HTT: variants seen among roughly 807,000 people sequenced by gnomAD.
The protein encoded by HTT is huntington disease protein.
In HTT, 104 loss-of-function variants were observed where a neutral mutation model predicts 362.3. That is an observed-to-expected ratio of 0.29 (90% CI 0.24 to 0.34). The LOEUF is 0.34. Ranked by LOEUF, HTT falls within the 10% of genes least tolerant of loss-of-function variation. The pLI is 1.00. For missense variants in HTT, 3,301 were observed against 3,928.6 expected (o/e 0.84, Z 4.27); for synonymous variants, 1,577 against 1,548.7 (o/e 1.02, Z -0.43).
At chr4:3,088,818 C>T (rs1044558164) in intron 2 of HTT, among the ~76,000 whole-genome samples, 5 of 152,026 alleles carry the variant, frequency 3.3e-5, no homozygotes, top group African/African-American at 7.3e-5. Context: ...TTCACAAAAC[C>T]GTTTCATTTT....
rs1295077532 is a variant in HTT, at chr4:3,230,013, A to T, written c.8236A>T (p.Thr2746Ser). 5 of 1,613,864 alleles carry T rather than the reference A, an allele frequency of 3.1e-6. No homozygotes were observed. The Admixed American group carries it at 8.3e-5, about 27-fold the overall frequency. Residue 2746 changes from threonine (T) to serine (S), a missense_variant, in exon 60 of 67, where the codon ACC becomes TCC. Thr to Ser is a moderately conservative substitution (Grantham distance 58). Around this residue, in one of 4 missense-constraint regions of HTT, gnomAD observed 753 missense variants for 1,021.3 expected, o/e 0.74. Transcript: ENST00000355072. Reference protein sequence around the residue: ...EILAQYLVPATCKAAAVLGMD... With the variant: ...EILAQYLVPASCKAAAVLGMD... The stretch of plus-strand genomic sequence containing the variant: ...CCTCGCTCAGTACCTGGTGCCTGCC[A>T]CCTGCAAGGCAGCTGCCGTCCTTGG...
intron 29 of HTT, among the ~76,000 whole-genome samples, chr4:3,171,201 T>C (rs781146300): frequency 2.6e-5 from 4 of 152,220 alleles, no homozygotes; most frequent in Non-Finnish European, 5.9e-5. Context: ...ACTTAGAATA[T>C]ACTTTGAGCA....
chr4:3,151,896 C>T (rs1469593324), intron 26 of HTT, among the ~76,000 whole-genome samples: 3 of 152,020 alleles, frequency 2.0e-5, no homozygotes, highest in Admixed American at 6.6e-5. Flanking sequence ...ACTGCACTAG[C>T]CTTTTGTTTT....
chr4:3,146,682 G>A, intron 24 of HTT, 115 bp from the exon 25 acceptor site: 9 of 839,154 alleles, frequency 1.1e-5, no homozygotes, highest in Non-Finnish European at 1.5e-5. Flanking sequence ...AACAATTTCT[G>A]AGCTGGTATA....
At chr4:3,191,010 G>A (rs1487092447) in intron 40 of HTT, among the ~76,000 whole-genome samples, 2 of 152,110 alleles carry the variant, frequency 1.3e-5, no homozygotes, top group African/African-American at 4.8e-5. Context: ...TTGATCTGTT[G>A]GAAGCCCTTG....
intron 1 of HTT, among the ~76,000 whole-genome samples, chr4:3,078,738 T>TA (rs1382822606): frequency 6.6e-6 from 1 of 151,632 alleles, no homozygotes; most frequent in Non-Finnish European, 1.5e-5. Context: ...CTGGGTAATT[T>TA]TTTTTTTTTC....
chr4:3,120,286 G>C (rs1035318563), intron 8 of HTT, among the ~76,000 whole-genome samples: 1 of 152,128 alleles, frequency 6.6e-6, no homozygotes, highest in Admixed American at 6.5e-5. Context: ...AAATCATGTG[G>C]GACATACTTA....
At chr4:3,231,649 T>C (rs1179425907) in intron 60 of HTT, among the ~76,000 whole-genome samples, 1 of 127,580 alleles carries the variant, frequency 7.8e-6, no homozygotes, top group Non-Finnish European at 1.7e-5. Context: ...TCAGCAGCCG[T>C]CCAGGGAGTG....
intron 3 of HTT, among the ~76,000 whole-genome samples, chr4:3,100,946 C>T (rs1714122964): frequency 6.6e-6 from 1 of 152,232 alleles, no homozygotes; most frequent in Non-Finnish European, 1.5e-5. Flanking sequence ...CCAGGCTGGT[C>T]TTGAACGCCT....
chr4:3,116,350 C>A, intron 8 of HTT, 87 bp downstream of exon 8: 1 of 1,201,274 alleles, frequency 8.3e-7, no homozygotes, highest in Non-Finnish European at 1.2e-6. Flanking sequence ...GCGGCAGAAC[C>A]GAGAGTTAGA....
Position 3,091,561 on chromosome 4 carries a change from G to A in HTT, c.347+4539G>A, listed in dbSNP as rs566135578. Among the ~76,000 whole-genome samples, 10 of 152,270 alleles carry A rather than the reference G, an allele frequency of 6.6e-5. No homozygotes were observed. The South Asian group carries it at 2.1e-3, about 32-fold the overall frequency. On this transcript the variant is annotated intron_variant, in intron 2 of 66. Transcript: ENST00000355072. Reference sequence around the variant, plus strand: ...CATATAGATCAAAGGTTACTAGCCTGTGTAAAGAGCAGTTATAAATATCGT... The same window carrying A: ...CATATAGATCAAAGGTTACTAGCCTATGTAAAGAGCAGTTATAAATATCGT...
chr4:3,074,724 T>C lies in HTT; in HGVS notation c.-102T>C. On this transcript the variant is annotated 5_prime_UTR_variant, in exon 1 of 67. Coordinates refer to ENST00000355072, the MANE Select transcript of HTT (RefSeq NM_001388492.1). ...AGATGGACGGCCGCTCAGGTTCTGCTTTTACCTGCGGCCCAGAGCCCCATT... is the reference window on the plus strand; with the variant it reads ...AGATGGACGGCCGCTCAGGTTCTGCCTTTACCTGCGGCCCAGAGCCCCATT... The C allele has an allele frequency of 3.1e-6, 4 of 1,296,110 alleles. No homozygotes were observed. Among genetic ancestry groups the C allele is most frequent in the East Asian group, 3.2e-5 (1 of 31,646 alleles). 80.3% of individuals were successfully genotyped at this position (1,296,110 alleles called of 1,614,324 possible).
chr4:3,209,698 T>TGCCG, intron 46 of HTT, 129 bp from the exon 47 acceptor site: 2 of 1,129,198 alleles, frequency 1.8e-6, no homozygotes, highest in South Asian at 2.9e-5. Context: ...AGCCACAGCC[T>TGCCG]GCCGGCCGGC....
Position 3,206,527 on chromosome 4 carries a change from C to T in HTT, c.5750C>T (p.Thr1917Met), listed in dbSNP as rs753549693. The T allele has an allele frequency of 3.7e-6, 6 of 1,614,040 alleles. No homozygotes were observed. The highest frequency in any genetic ancestry group is 1.1e-5 in the South Asian group (1 of 91,072). Residue 1917 changes from threonine (T) to methionine (M), a missense_variant, in exon 43 of 67, where the codon ACG becomes ATG. This residue lies in a region of HTT where 2,316 missense variants were observed against 2,658.5 expected (regional missense o/e 0.87). Transcript: ENST00000355072. The surrounding 1 kb of genome is among the most constrained non-coding windows in gnomAD (Gnocchi z 4.6). ...CQNLHDSEHLTWLIVNHIQDL... is the reference protein window; with the variant it reads ...CQNLHDSEHLMWLIVNHIQDL... ...AACCTCCATGACTCCGAGCACTTAA[C>T]GTGGCTCATTGTAAATCACATTCAA...
chr4:3,202,913 G>A (rs1396838982), intron 41 of HTT: 1 of 152,314 alleles, frequency 6.6e-6, no homozygotes. Flanking sequence ...GCTGAGGCAG[G>A]AGGATCACTT....
chr4:3,137,093 A>T (rs1716107101), intron 21 of HTT, among the ~76,000 whole-genome samples: 1 of 151,850 alleles, frequency 6.6e-6, no homozygotes, highest in Non-Finnish European at 1.5e-5. Flanking sequence ...TTTTTAGTAG[A>T]GACAGGGTTT....
At chr4:3,235,431 C>G (rs149040731) in intron 62 of HTT, 33 bp downstream of exon 62, 6 of 1,515,024 alleles carry the variant, frequency 4.0e-6, no homozygotes, top group Non-Finnish European at 5.5e-6. Context: ...CCTCTGCACA[C>G]GGGGAGTGGG....
chr4:3,148,997 T>C (rs16843939), intron 26 of HTT, among the ~76,000 whole-genome samples: 5,340 of 152,316 alleles, frequency 0.035, 290 homozygotes, highest in African/African-American at 0.12. Context: ...ATAGCTCTTT[T>C]AGTATCATCA....
intron 22 of HTT, among the ~76,000 whole-genome samples, chr4:3,141,210 G>A (rs539011731): frequency 6.6e-6 from 1 of 152,312 alleles, no homozygotes; most frequent in Non-Finnish European, 1.5e-5. Context: ...CAGAATTCTA[G>A]CTTGCAGAGA....
Sources: gnomAD v4.1 joint callset for allele counts (sites outside exome capture counted in the v4.1 genomes callset) on GRCh38, gnomAD v4.1.1 for gene constraint, gnomAD v4.1.1 regional missense constraint, Gnocchi (gnomAD v3.1) non-coding constraint, MANE v1.5 for transcripts, NCBI Gene and HGNC (gene_info 2026-07-23, HGNC 2026-07-21) for gene names.